Variants in REPS1 observed in about 807,000 individuals in gnomAD.
REPS1 encodes the protein RALBP1 associated Eps domain containing 1.
Under a neutral mutation model 100.9 loss-of-function variants are expected in REPS1, and 39 were observed. That is an observed-to-expected ratio of 0.39 (90% CI 0.30 to 0.50). The LOEUF (loss-of-function observed/expected upper bound fraction) is 0.50. Among genes scored for constraint, REPS1 ranks in the 20% least tolerant of loss-of-function variants. REPS1 has a pLI of 0.86. For synonymous variants in REPS1, 324 were observed against 340.3 expected, an observed-to-expected ratio of 0.95 and a Z score of 0.53; for missense variants, 821 against 968.5, an observed-to-expected ratio of 0.85 and a Z score of 2.02.
chr6:138,956,286 G>C (rs905895909), intron 1 of REPS1, among the ~76,000 whole-genome samples: 5 of 152,038 alleles, frequency 3.3e-5, no homozygotes, highest in Admixed American at 6.6e-5. Flanking sequence ...AGTGACTAAT[G>C]AAATAAGGTA....
At chr6:138,941,564 AAATATTTTCCAT>A in intron 7 of REPS1, 75 bp from the exon 8 acceptor site, 1 of 1,413,340 alleles carries the variant, frequency 7.1e-7, no homozygotes, top group Non-Finnish European at 9.8e-7. Context: ...GAAGCAAGAG[AAATATTTTCCAT>A]GAGAAAGTGC....
At chr6:138,911,450 GAAT>G (rs1779999297) in intron 16 of REPS1, 79 bp from the exon 17 acceptor site, 1 of 929,886 alleles carries the variant, frequency 1.1e-6, no homozygotes, top group Non-Finnish European at 1.7e-6. Context: ...TACCAAATCA[GAAT>G]AAAATGTTAA....
At chr6:138,913,322 T>C (rs1312617176) in intron 15 of REPS1, among the ~76,000 whole-genome samples, 2 of 152,184 alleles carry the variant, frequency 1.3e-5, no homozygotes, top group African/African-American at 4.8e-5. Context: ...TAAGTTATTT[T>C]TTTTTAATGT....
intron 1 of REPS1, among the ~76,000 whole-genome samples, chr6:138,952,352 C>T (rs1783090509): frequency 6.6e-6 from 1 of 151,942 alleles, no homozygotes; most frequent in Non-Finnish European, 1.5e-5. Context: ...CTCAGTAAAG[C>T]TGCAAAATAA....
intron 12 of REPS1, among the ~76,000 whole-genome samples, chr6:138,919,339 T>G (rs1780605235): frequency 6.6e-6 from 1 of 152,176 alleles, no homozygotes; most frequent in South Asian, 2.1e-4. Context: ...ATTACCGCTA[T>G]CTCCTAAATT....
chr6:138,922,030 T>C (rs893207300), intron 10 of REPS1, among the ~76,000 whole-genome samples: 1 of 147,368 alleles, frequency 6.8e-6, no homozygotes, highest in South Asian at 2.1e-4. Flanking sequence ...AAAATGCTCT[T>C]ATAAAAACAC....
intron 19 of REPS1, among the ~76,000 whole-genome samples, chr6:138,907,001 C>T (rs1465046364): frequency 6.6e-6 from 1 of 151,920 alleles, no homozygotes; most frequent in Non-Finnish European, 1.5e-5. Flanking sequence ...TACTAGAAAA[C>T]AAACACATTC....
chr6:138,943,261 A>T (rs922720916), intron 7 of REPS1, among the ~76,000 whole-genome samples: 1 of 152,342 alleles, frequency 6.6e-6, no homozygotes, highest in South Asian at 2.1e-4. Flanking sequence ...TATCTCATAC[A>T]TTATGCTAGC....
intron 8 of REPS1, among the ~76,000 whole-genome samples, chr6:138,936,017 G>A (rs906415393): frequency 9.4e-4 from 143 of 152,216 alleles, no homozygotes; most frequent in African/African-American, 3.4e-3. Context: ...TACTGAACAA[G>A]ACAAGGGTAC....
intron 8 of REPS1, among the ~76,000 whole-genome samples, chr6:138,938,240 G>GCATA (rs1781987961): frequency 6.6e-6 from 1 of 152,012 alleles, no homozygotes; most frequent in South Asian, 2.1e-4. Flanking sequence ...TTTTATCTAT[G>GCATA]CATACCTGTT....
In REPS1 at chr6:138,922,413, T is replaced by C. The variant is rs557596298; in HGVS notation, c.1339-1289A>G. On this transcript the variant is annotated intron_variant, in intron 10 of 19. Coordinates refer to ENST00000450536, the MANE Select transcript of REPS1 (RefSeq NM_001286611.2). ...AACATTTTTCATTACTGTAATACAG[T>C]TGATATTTCTAAACTTCATGAGAGT... Among the ~76,000 whole-genome samples the C allele has an allele frequency of 7.2e-5, 11 of 152,296 alleles. No individual in the cohort carries two copies. The East Asian group carries it at 1.4e-3, about 19-fold the overall frequency.
At chr6:138,935,198 T>G (rs752266165) in intron 8 of REPS1, among the ~76,000 whole-genome samples, 3 of 152,152 alleles carry the variant, frequency 2.0e-5, no homozygotes, top group Non-Finnish European at 4.4e-5. Context: ...GAAAACTAAT[T>G]GTTTTCAATT....
At chr6:138,958,413 G>T (rs1220123758) in intron 1 of REPS1, among the ~76,000 whole-genome samples, 1 of 152,178 alleles carries the variant, frequency 6.6e-6, no homozygotes, top group Non-Finnish European at 1.5e-5. Flanking sequence ...ATACATGGCA[G>T]AACGTGCAGG....
chr6:138,983,914 C>G (rs945651125), intron 1 of REPS1, among the ~76,000 whole-genome samples: 2 of 152,150 alleles, frequency 1.3e-5, no homozygotes, highest in African/African-American at 4.8e-5. Flanking sequence ...AAACCAAACT[C>G]ATCATTGTCT....
chr6:138,938,752 A>AGAGGAAT (rs1439455886), intron 8 of REPS1, among the ~76,000 whole-genome samples: 2 of 152,212 alleles, frequency 1.3e-5, no homozygotes, highest in Non-Finnish European at 2.9e-5. Context: ...AAGGCTCCAC[A>AGAGGAAT]GAGGAATATT....
intron 1 of REPS1, among the ~76,000 whole-genome samples, chr6:138,976,996 C>G (rs919136019): frequency 6.6e-6 from 1 of 152,160 alleles, no homozygotes; most frequent in Non-Finnish European, 1.5e-5. Flanking sequence ...AGTACACAGT[C>G]CTTCATTCTC....
At chr6:138,921,146 T>C (rs766438444) in intron 10 of REPS1, 22 bp from the exon 11 acceptor site, 3 of 1,479,918 alleles carry the variant, frequency 2.0e-6, no homozygotes, top group South Asian at 2.4e-5. Flanking sequence ...TGGGAGGAAA[T>C]AAAGAATTTG....
At chr6:138,920,080 CAA>C in intron 12 of REPS1, 133 bp downstream of exon 12, 1 of 514,558 alleles carries the variant, frequency 1.9e-6, no homozygotes, top group Non-Finnish European at 3.5e-6. Context: ...ACTGATAGGG[CAA>C]AGTGTTCGAA....
Position 138,914,776 on chromosome 6 carries a change from A to C in REPS1, c.1721-15T>G, listed in dbSNP as rs754405663. ...CTGTTGTTGTCCTGCATGAATACAA[A>C]AGTTCTTCTTTTTAGTAACTGTATA... On this transcript the variant is annotated splice_polypyrimidine_tract_variant and intron_variant, in intron 14 of 19. Coordinates refer to ENST00000450536, the MANE Select transcript of REPS1 (RefSeq NM_001286611.2). The C allele has an allele frequency of 3.1e-6, 5 of 1,607,128 alleles. No homozygotes were observed. The highest frequency in any genetic ancestry group is 4.2e-6 in the Non-Finnish European group (5 of 1,177,792).
Sources: allele counts gnomAD v4.1 joint callset (sites outside exome capture counted in the v4.1 genomes callset), GRCh38; gene constraint gnomAD v4.1.1; transcripts MANE v1.5; gene names NCBI Gene and HGNC (gene_info 2026-07-23, HGNC 2026-07-21).